RNF180: variants seen among roughly 807,000 people sequenced by gnomAD.
RNF180 encodes ring finger protein 180, also known as E3 ubiquitin-protein ligase RNF180.
Under a neutral mutation model 59.2 loss-of-function variants are expected in RNF180, and 38 were observed. That is an observed-to-expected ratio of 0.64 (90% CI 0.50 to 0.84). The LOEUF is 0.84. Among genes scored for constraint, RNF180 ranks in the 40% least tolerant of loss-of-function variants. The pLI, the probability that RNF180 is intolerant of heterozygous loss-of-function variation, is 0.00. For synonymous variants in RNF180, 262 were observed against 240.3 expected (o/e 1.09, Z -0.84); for missense variants, 705 against 700.9 (o/e 1.01, Z -0.07).
intron 7 of RNF180, among the ~76,000 whole-genome samples, chr5:64,349,084 C>G (rs1412236175): frequency 6.6e-6 from 1 of 152,056 alleles, no homozygotes; most frequent in Non-Finnish European, 1.5e-5. Context: ...TTGGTCAATT[C>G]TAACCCAACA....
chr5:64,188,236 A>G (rs910555450), intron 1 of RNF180, among the ~76,000 whole-genome samples: 4 of 152,190 alleles, frequency 2.6e-5, no homozygotes, highest in African/African-American at 7.2e-5. Flanking sequence ...CCTGTGTAAC[A>G]ATGAGATTTC....
At chr5:64,207,940 G>A (rs891392424) in intron 2 of RNF180, among the ~76,000 whole-genome samples, 1 of 151,974 alleles carries the variant, frequency 6.6e-6, no homozygotes, top group African/African-American at 2.4e-5. Flanking sequence ...CTGAAGGAAT[G>A]TTATTGCTTA....
intron 1 of RNF180, among the ~76,000 whole-genome samples, chr5:64,189,453 G>T (rs1751029474): frequency 6.6e-6 from 1 of 152,070 alleles, no homozygotes; most frequent in African/African-American, 2.4e-5. Context: ...GAAGAAGGTA[G>T]TCCTTGTTAT....
At chr5:64,236,118 G>C (rs1433803481) in intron 5 of RNF180, among the ~76,000 whole-genome samples, 1 of 152,250 alleles carries the variant, frequency 6.6e-6, no homozygotes, top group Non-Finnish European at 1.5e-5. Flanking sequence ...ACAGGAAGAT[G>C]TGGGAAAGTT....
At position 64,247,946 on chromosome 5, in the gene RNF180, A is replaced by G. The variant is rs115278076; in HGVS notation, c.1227+30550A>G. Among the ~76,000 whole-genome samples, 753 of 152,334 alleles carry G rather than the reference A, an allele frequency of 4.9e-3. 10 individuals are homozygous for G. The highest frequency in any genetic ancestry group is 0.017 in the African/African-American group (704 of 41,580). ...ATGGAAGAGAACAGAGGCCTCAGTA[A>G]TAATGCCACACATCTAAAACCATCT... is the stretch of plus-strand genomic sequence containing the variant. On this transcript the variant is annotated intron_variant, in intron 5 of 7. Coordinates refer to ENST00000389100, the MANE Select transcript of RNF180 (RefSeq NM_001113561.2).
chr5:64,320,194 C>G (rs532491061), intron 5 of RNF180, among the ~76,000 whole-genome samples: 6 of 152,162 alleles, frequency 3.9e-5, no homozygotes, highest in Non-Finnish European at 8.8e-5. Context: ...TACTAGATAA[C>G]CTGCTAAATT....
At chr5:64,269,208 T>A (rs1281695126) in intron 5 of RNF180, among the ~76,000 whole-genome samples, 7 of 152,170 alleles carry the variant, frequency 4.6e-5, no homozygotes, top group African/African-American at 1.7e-4. Context: ...CTGTCTTCAT[T>A]TATGTATTCT....
chr5:64,201,061 G>A, intron 2 of RNF180, 119 bp downstream of exon 2: 1 of 783,888 alleles, frequency 1.3e-6, no homozygotes, highest in Non-Finnish European at 1.9e-6. Flanking sequence ...TCTTTGTCAT[G>A]ACTCTTTGTC....
intron 5 of RNF180, among the ~76,000 whole-genome samples, chr5:64,277,656 T>C (rs1331948263): frequency 6.6e-6 from 1 of 152,184 alleles, no homozygotes; most frequent in Non-Finnish European, 1.5e-5. Context: ...CAGTCAGGGA[T>C]ACAGACTAAT....
At chr5:64,199,980 G>A (rs1315714346) in intron 1 of RNF180, among the ~76,000 whole-genome samples, 1 of 152,110 alleles carries the variant, frequency 6.6e-6, no homozygotes, top group African/African-American at 2.4e-5. Flanking sequence ...AGACTTTGTC[G>A]CTTTCAGGAT....
chr5:64,175,627 G>A (rs1398212959), intron 1 of RNF180, among the ~76,000 whole-genome samples: 2 of 152,130 alleles, frequency 1.3e-5, no homozygotes, highest in Non-Finnish European at 2.9e-5. Flanking sequence ...ATGAATTTTA[G>A]GATTTTTTTT....
At chr5:64,316,469 T>C (rs146923388) in intron 5 of RNF180, among the ~76,000 whole-genome samples, 1 of 152,264 alleles carries the variant, frequency 6.6e-6, no homozygotes, top group African/African-American at 2.4e-5. Flanking sequence ...CAGAGGACAA[T>C]GTGTGGTCTG....
At chr5:64,325,163 A>G (rs1317687658) in intron 5 of RNF180, 23 bp from the exon 6 acceptor site, 4 of 1,482,938 alleles carry the variant, frequency 2.7e-6, no homozygotes, top group Non-Finnish European at 3.7e-6. Context: ...AAATTAAGAA[A>G]AAAGTTTTCT....
chr5:64,344,561 C>T (rs1045897948), intron 7 of RNF180, among the ~76,000 whole-genome samples: 3 of 152,228 alleles, frequency 2.0e-5, no homozygotes, highest in Admixed American at 2.0e-4. Context: ...TGTACAGGAT[C>T]CTTCACCTGT....
chr5:64,361,884 C>T (rs1235439643), intron 7 of RNF180, among the ~76,000 whole-genome samples: 1 of 151,126 alleles, frequency 6.6e-6, no homozygotes, highest in East Asian at 2.0e-4. Context: ...GTCTCCTGTA[C>T]CATGCATTTT....
At chr5:64,324,293 C>T (rs931191841) in intron 5 of RNF180, among the ~76,000 whole-genome samples, 2 of 152,160 alleles carry the variant, frequency 1.3e-5, no homozygotes, top group Non-Finnish European at 1.5e-5. Context: ...CACCATCCCA[C>T]CACAGGGCAC....
At chr5:64,227,708 T>C (rs180954123) in intron 5 of RNF180, among the ~76,000 whole-genome samples, 471 of 152,354 alleles carry the variant, frequency 3.1e-3, no homozygotes, top group African/African-American at 0.011. Flanking sequence ...TTCTGCCTTA[T>C]CTCTGTGCAC....
At chr5:64,327,989 C>A (rs1744727891) in intron 6 of RNF180, among the ~76,000 whole-genome samples, 1 of 151,980 alleles carries the variant, frequency 6.6e-6, no homozygotes, top group Non-Finnish European at 1.5e-5. Flanking sequence ...ATTATATTCT[C>A]TTGCTGAACT....
In RNF180 at chr5:64,244,874, G is replaced by A. The variant is rs559829427; in HGVS notation, c.1227+27478G>A. On this transcript the variant is annotated intron_variant, in intron 5 of 7. Transcript: ENST00000389100. ...GTTACCCACAAAGGGAAGCCCATGAGACTAACAGTGGATTTCTCTGCAGAA... is the reference window on the plus strand; with the variant it reads ...GTTACCCACAAAGGGAAGCCCATGAAACTAACAGTGGATTTCTCTGCAGAA... Among the ~76,000 whole-genome samples, 63 of 152,188 alleles carry A rather than the reference G, an allele frequency of 4.1e-4. 1 individual carries two copies. Among genetic ancestry groups the A allele is most frequent in the Non-Finnish European group, 1.5e-4 (10 of 68,044 alleles).
Sources: gnomAD v4.1 joint callset for allele counts (sites outside exome capture counted in the v4.1 genomes callset) on GRCh38, gnomAD v4.1.1 for gene constraint, MANE v1.5 for transcripts, NCBI Gene and HGNC (gene_info 2026-07-23, HGNC 2026-07-21) for gene names.